Variants in F2RL2 observed in about 807,000 individuals in gnomAD.
F2RL2 encodes the protein proteinase-activated receptor 3.
F2RL2 carries 4 observed loss-of-function variants against 4.3 expected under a neutral mutation model. The ratio of observed to expected loss-of-function variants is 0.93; its 90% CI spans 0.46 to 2.12. F2RL2 has a LOEUF of 2.12. F2RL2 is among the 30% of genes most tolerant of loss of function. The pLI is 0.02. For missense variants in F2RL2, 408 were observed against 449.3 expected (o/e 0.91, Z 0.83); for synonymous variants, 166 against 170.9 (o/e 0.97, Z 0.22).
intron 1 of F2RL2, among the ~76,000 whole-genome samples, chr5:76,621,911 C>G (rs1749717200): frequency 6.6e-6 from 1 of 152,106 alleles, no homozygotes; most frequent in African/African-American, 2.4e-5. Flanking sequence ...TCAGGGGTGT[C>G]CAAGGGAGAG....
rs994899810 is a variant in F2RL2, at chr5:76,617,066, G to C, written c.*516C>G. 2.0e-5 allele frequency: 3 copies of C among 153,434 alleles called. No homozygotes were observed. Among genetic ancestry groups the C allele is most frequent in the African/African-American group, 7.2e-5 (3 of 41,436 alleles). 9.5% of individuals were successfully genotyped at this position (153,434 alleles called of 1,614,324 possible). A position where few individuals can be genotyped will look rare whatever the true frequency, so the allele number is the denominator to read the frequency against. On this transcript the variant is annotated 3_prime_UTR_variant, in exon 2 of 2. Transcript: ENST00000296641. Reference sequence around the variant, plus strand: ...TTAAAGAGCTTGAAGTAGCAATAAGGCAAATGGAAATGTCATTTTCCATAG... The same window carrying C: ...TTAAAGAGCTTGAAGTAGCAATAAGCCAAATGGAAATGTCATTTTCCATAG...
Position 76,617,881 on chromosome 5 carries a change from CA to C in F2RL2, c.825del (p.Phe275LeufsTer34). The stretch of plus-strand genomic sequence containing the variant: ...GCTGCATAGCAGTAGATGATAAGCA[CA>C]AATGGAATTAAGAATCCAAAGAATG... ...SLAFFGFLIP[F>X]VLIIYCYAAI... On this transcript the variant is annotated frameshift_variant, in exon 2 of 2. Transcript: ENST00000296641. LOFTEE classifies it low-confidence loss of function (END_TRUNC). 6.2e-7 allele frequency: 1 copy of C among 1,613,872 alleles called. No individual in the cohort carries two copies. Among genetic ancestry groups the C allele is most frequent in the Non-Finnish European group, 8.5e-7 (1 of 1,179,982 alleles).
At chr5:76,623,105 T>C in intron 1 of F2RL2, 62 bp downstream of exon 1, 3 of 1,511,766 alleles carry the variant, frequency 2.0e-6, no homozygotes, top group African/African-American at 1.4e-5. Flanking sequence ...CTAGGTTCAG[T>C]TGACTCTTAA....
Position 76,617,883 on chromosome 5 carries a change from A to G in F2RL2, c.824T>C (p.Phe275Ser). The change falls in exon 2 of 2, where the codon TTT becomes TCT. Residue 275 changes from phenylalanine to serine, a missense_variant. Phe to Ser is a radical substitution (Grantham distance 155). Coordinates refer to ENST00000296641, the MANE Select transcript of F2RL2 (RefSeq NM_004101.4). ...SLAFFGFLIP[F>S]VLIIYCYAAI... Reference sequence around the variant, plus strand: ...TGCATAGCAGTAGATGATAAGCACAAATGGAATTAAGAATCCAAAGAATGC... The same window carrying G: ...TGCATAGCAGTAGATGATAAGCACAGATGGAATTAAGAATCCAAAGAATGC... 6.2e-7 allele frequency: 1 copy of G among 1,614,166 alleles called. No individual in the cohort carries two copies. Among genetic ancestry groups the G allele is most frequent in the Non-Finnish European group, 8.5e-7 (1 of 1,180,022 alleles).
intron 1 of F2RL2, among the ~76,000 whole-genome samples, chr5:76,620,956 T>C (rs1749597688): frequency 6.6e-6 from 1 of 152,226 alleles, no homozygotes. Flanking sequence ...TTTATTATTA[T>C]ATAACTTTTT....
chr5:76,620,223 A>G (rs1288668740), intron 1 of F2RL2, among the ~76,000 whole-genome samples: 6 of 152,160 alleles, frequency 3.9e-5, no homozygotes, highest in African/African-American at 1.4e-4. Context: ...ACAGATTGGA[A>G]AGGTAAGAAA....
chr5:76,617,480 T>C lies in F2RL2; in HGVS notation c.*102A>G, dbSNP rs2069685. ...GTAATGTTTGACCTTTGAAGCATAT[T>C]TCTTAGGAGCTCGGAAATGGAGCTC... On this transcript the variant is annotated 3_prime_UTR_variant, in exon 2 of 2. Coordinates refer to ENST00000296641, the MANE Select transcript of F2RL2 (RefSeq NM_004101.4). 332,148 of 840,636 alleles carry C rather than the reference T, an allele frequency of 0.4. 67,874 individuals are homozygous for C. Among genetic ancestry groups the C allele is most frequent in the South Asian group, 0.5 (28,316 of 56,292 alleles). The allele number at this position is 840,636 out of a possible 1,614,324, so 52.1% of individuals were successfully genotyped here.
At chr5:76,622,294 T>C (rs1327675386) in intron 1 of F2RL2, among the ~76,000 whole-genome samples, 3 of 152,232 alleles carry the variant, frequency 2.0e-5, no homozygotes, top group African/African-American at 7.2e-5. Context: ...GAGCGTGCAC[T>C]TATTATATTC....
chr5:76,618,272 T>C lies in F2RL2; in HGVS notation c.435A>G (p.Thr145=), dbSNP rs753692444. The C allele has an allele frequency of 1.1e-5, 18 of 1,614,034 alleles. No individual in the cohort carries two copies. In the Admixed American group the frequency reaches 1.2e-4, roughly 10 times the overall value. Residue 145 remains threonine (T), a synonymous_variant, in exon 2 of 2, where the codon ACA becomes ACG. Transcript: ENST00000296641. ...GATGATAAGCTATCTTAAAGGGCAATGTAACACAAAAAAGAAAATCTGCAA... is the reference window on the plus strand; with the variant it reads ...GATGATAAGCTATCTTAAAGGGCAACGTAACACAAAAAAGAAAATCTGCAA... The part of the protein sequence containing the change: ...LAIADFLFCV[T]LPFKIAYHLN...
chr5:76,622,392 G>A (rs1580644274), intron 1 of F2RL2, among the ~76,000 whole-genome samples: 1 of 152,334 alleles, frequency 6.6e-6, no homozygotes, highest in Admixed American at 6.5e-5. Context: ...GTGAATTTAA[G>A]CAATGTTCCT....
At chr5:76,621,595 C>T (rs997148505) in intron 1 of F2RL2, among the ~76,000 whole-genome samples, 1 of 152,124 alleles carries the variant, frequency 6.6e-6, no homozygotes, top group Non-Finnish European at 1.5e-5. Flanking sequence ...AGTGTTTGTC[C>T]GTTTTCAGAA....
Position 76,616,209 on chromosome 5 carries a change from A to T in F2RL2, c.*1373T>A, listed in dbSNP as rs1410816167. ...AGTGCTTTGGAAGTACAGATAAGAA[A>T]AGTGACACTTCTAGCCTGAGAATCA... On this transcript the variant is annotated 3_prime_UTR_variant, in exon 2 of 2. Coordinates refer to ENST00000296641, the MANE Select transcript of F2RL2 (RefSeq NM_004101.4). 1 of 152,270 alleles carries T rather than the reference A, an allele frequency of 6.6e-6. No homozygotes were observed. The highest frequency in any genetic ancestry group is 2.4e-5 in the African/African-American group (1 of 41,458). 9.4% of individuals were successfully genotyped at this position (152,270 alleles called of 1,614,324 possible). A position where few individuals can be genotyped will look rare whatever the true frequency, so the allele number is the denominator to read the frequency against.
intron 1 of F2RL2, among the ~76,000 whole-genome samples, chr5:76,619,087 C>G (rs1047475653): frequency 6.6e-6 from 1 of 152,166 alleles, no homozygotes; most frequent in Non-Finnish European, 1.5e-5. Flanking sequence ...TGGACAGAAG[C>G]ATAGTGTGGG....
chr5:76,615,753 A>G lies in F2RL2; in HGVS notation c.*1829T>C, dbSNP rs928912644. The G allele has an allele frequency of 1.2e-5, 1 of 83,592 alleles. No homozygotes were observed. Among genetic ancestry groups the G allele is most frequent in the African/African-American group, 3.7e-5 (1 of 26,904 alleles). The allele number at this position is 83,592 out of a possible 1,614,324, so 5.2% of individuals were successfully genotyped here. On this transcript the variant is annotated 3_prime_UTR_variant, in exon 2 of 2. Coordinates refer to ENST00000296641, the MANE Select transcript of F2RL2 (RefSeq NM_004101.4). ...AAAATAGTCATTTACTTACAGGAAT[A>G]TAATGGGTATTAATAACAAAATTCC...
chr5:76,623,294 C>G lies in F2RL2; in HGVS notation c.-64G>C, dbSNP rs1280221422. ...TCTGTAAAATCATGGAGCACAATTT[C>G]ACCTCAGTTCCATGTGTCAGCAGCA... On this transcript the variant is annotated 5_prime_UTR_variant, in exon 1 of 2. An upstream open reading frame in the 5' UTR loses its in-frame stop. Coordinates refer to ENST00000296641, the MANE Select transcript of F2RL2 (RefSeq NM_004101.4). The G allele has an allele frequency of 6.4e-7, 1 of 1,572,838 alleles. No individual in the cohort carries two copies. Among genetic ancestry groups the G allele is most frequent in the Admixed American group, 1.7e-5 (1 of 59,770 alleles).
intron 1 of F2RL2, among the ~76,000 whole-genome samples, chr5:76,620,530 G>T (rs148869260): frequency 1.3e-5 from 2 of 152,324 alleles, no homozygotes; most frequent in Non-Finnish European, 2.9e-5. Flanking sequence ...TCTGACTGAG[G>T]ATGAGTTGCT....
At chr5:76,621,274 A>G (rs2150363406) in intron 1 of F2RL2, among the ~76,000 whole-genome samples, 1 of 152,352 alleles carries the variant, frequency 6.6e-6, no homozygotes, top group Middle Eastern at 3.4e-3. Flanking sequence ...GGTGTAAAAT[A>G]GAGGAGGTGT....
intron 1 of F2RL2, among the ~76,000 whole-genome samples, chr5:76,620,350 G>A (rs1240648114): frequency 1.5e-5 from 2 of 131,656 alleles, no homozygotes; most frequent in Non-Finnish European, 3.6e-5. Context: ...CTCTGATGGC[G>A]GCTTAAAGGG....
intron 1 of F2RL2, among the ~76,000 whole-genome samples, chr5:76,622,084 G>A (rs1203804373): frequency 6.6e-6 from 1 of 152,142 alleles, no homozygotes; most frequent in Non-Finnish European, 1.5e-5. Flanking sequence ...AGGCAGGTTG[G>A]ACAAGCTTGC....
Sources: allele counts gnomAD v4.1 joint callset (sites outside exome capture counted in the v4.1 genomes callset), GRCh38; gene constraint gnomAD v4.1.1; transcripts MANE v1.5; gene names NCBI Gene and HGNC (gene_info 2026-07-23, HGNC 2026-07-21).